Variants in ASTL observed in about 807,000 individuals in gnomAD.
ASTL encodes astacin-like metalloendopeptidase.
Under a neutral mutation model 36.7 loss-of-function variants are expected in ASTL, and 27 were observed. That is an observed-to-expected ratio of 0.73 (90% CI 0.54 to 1.01). The LOEUF (loss-of-function observed/expected upper bound fraction) is 1.01. ASTL is among the 50% of genes least tolerant of loss of function. ASTL has a pLI of 0.00. For synonymous variants in ASTL, 222 were observed against 228.1 expected, an observed-to-expected ratio of 0.97 and a Z score of 0.24; for missense variants, 524 against 572.8, an observed-to-expected ratio of 0.91 and a Z score of 0.87.
intron 4 of ASTL, 28 bp downstream of exon 4, chr2:96,133,937 A>C: frequency 8.1e-6 from 12 of 1,485,618 alleles, no homozygotes; most frequent in Non-Finnish European, 1.1e-5. Context: ...GGGCTGAGGC[A>C]GGGAGGGAGC....
chr2:96,126,227 C>A (rs893335320), intron 8 of ASTL, among the ~76,000 whole-genome samples: 7 of 151,788 alleles, frequency 4.6e-5, no homozygotes, highest in Non-Finnish European at 1.0e-4. Context: ...GTGGGAAAAA[C>A]AAAAAACATA....
chr2:96,129,186 C>T (rs948508819), intron 8 of ASTL, among the ~76,000 whole-genome samples: 36 of 152,086 alleles, frequency 2.4e-4, no homozygotes, highest in African/African-American at 7.2e-4. Flanking sequence ...TATTATTTAA[C>T]GATTTTAATA....
At chr2:96,131,750 AAC>A (rs927089374) in intron 6 of ASTL, among the ~76,000 whole-genome samples, 8 of 151,744 alleles carry the variant, frequency 5.3e-5, no homozygotes, top group African/African-American at 1.5e-4. Flanking sequence ...TCACCTGGCT[AAC>A]ATGACAGCCC....
rs757663123 is a variant in ASTL, at chr2:96,130,156, A to G, written c.638-11T>C. ...AGTTGATTTCAAAGCCTAAAAATAC[A>G]AAAACAATACAACTTACTGATATAT... On this transcript the variant is annotated splice_polypyrimidine_tract_variant and intron_variant, in intron 6 of 8. Transcript: ENST00000342380. 5 of 1,605,008 alleles carry G rather than the reference A, an allele frequency of 3.1e-6. No individual in the cohort carries two copies. In the South Asian group the frequency reaches 3.3e-5, roughly 11 times the overall value.
At chr2:96,135,796 C>A (rs578180360) in intron 2 of ASTL, among the ~76,000 whole-genome samples, 16 of 152,170 alleles carry the variant, frequency 1.1e-4, no homozygotes, top group Non-Finnish European at 1.9e-4. Context: ...TGCAAGGCTT[C>A]TCGGCTGGAC....
chr2:96,123,925 G>A lies in ASTL; in HGVS notation c.1221C>T (p.Val407=), dbSNP rs768277964. Residue 407 remains valine (V), a synonymous_variant, in exon 9 of 9, where the codon GTC becomes GTT. Coordinates refer to ENST00000342380, the MANE Select transcript of ASTL (RefSeq NM_001002036.4). ...GCAGAGCTGGGCTTCCCTGGACAGGGACTGGCTGGATTCCTGCTTCTGAAG... is the reference window on the plus strand; with the variant it reads ...GCAGAGCTGGGCTTCCCTGGACAGGAACTGGCTGGATTCCTGCTTCTGAAG... ...VPSSEAGIQP[V]PVQGSPALPG... 1.2e-6 allele frequency: 2 copies of A among 1,613,902 alleles called. No homozygotes were observed. Among genetic ancestry groups the A allele is most frequent in the African/African-American group, 2.7e-5 (2 of 74,936 alleles).
rs528554299 is a variant in ASTL, at chr2:96,132,121, G to T, written c.637+419C>A. Reference sequence around the variant, plus strand: ...CTTGGCTTGTGCAGCCTGCTACCTTGGGGTCCCACTTTGGCTCAGCTCCCC... The same window carrying T: ...CTTGGCTTGTGCAGCCTGCTACCTTTGGGTCCCACTTTGGCTCAGCTCCCC... On this transcript the variant is annotated intron_variant, in intron 6 of 8. Transcript: ENST00000342380. The surrounding 1 kb of genome is among the most constrained non-coding windows in gnomAD (Gnocchi z 5.4). 6.6e-6 allele frequency among the ~76,000 whole-genome samples: 1 copy of T among 152,324 alleles called. No individual in the cohort carries two copies. Among genetic ancestry groups the T allele is most frequent in the East Asian group, 1.9e-4 (1 of 5,184 alleles).
At chr2:96,129,747 C>G (rs542209291) in intron 8 of ASTL, 77 bp downstream of exon 8, 1 of 1,406,170 alleles carries the variant, frequency 7.1e-7, no homozygotes, top group South Asian at 1.5e-5. Context: ...CATCTCCCTC[C>G]TTGTCACCCT....
chr2:96,135,417 G>A lies in ASTL; in HGVS notation c.182-5C>T. ...GGGTTTCTTCCAGGATGAGCCCTGG[G>A]AAAGGAAGAAGGACGTGTTGGCCCA... is the stretch of plus-strand genomic sequence containing the variant. On this transcript the variant is annotated splice_region_variant and splice_polypyrimidine_tract_variant and intron_variant, in intron 2 of 8. Transcript: ENST00000342380. 1 of 1,613,992 alleles carries A rather than the reference G, an allele frequency of 6.2e-7. No individual in the cohort carries two copies. Among genetic ancestry groups the A allele is most frequent in the Non-Finnish European group, 8.5e-7 (1 of 1,179,934 alleles).
rs778347060 is a variant in ASTL at position 96,130,152 on chromosome 2, A to G, written c.638-7T>C. 2 of 1,608,844 alleles carry G rather than the reference A, an allele frequency of 1.2e-6. No individual in the cohort carries two copies. Among genetic ancestry groups the G allele is most frequent in the South Asian group, 2.2e-5 (2 of 90,960 alleles). ...ATGAAGTTGATTTCAAAGCCTAAAA[A>G]TACAAAAACAATACAACTTACTGAT... On this transcript the variant is annotated splice_region_variant and splice_polypyrimidine_tract_variant and intron_variant, in intron 6 of 8. Coordinates refer to ENST00000342380, the MANE Select transcript of ASTL (RefSeq NM_001002036.4).
rs1235301871 is a variant in ASTL at position 96,132,008 on chromosome 2, CCA to C, written c.637+530_637+531del. Reference sequence around the variant, plus strand: ...GCCTCCAGCCTCCACTCTCCCATGGCCACAGTCTGTGTTCCTTCTGCCTGCTC... The same window carrying C: ...GCCTCCAGCCTCCACTCTCCCATGGCCAGTCTGTGTTCCTTCTGCCTGCTC... On this transcript the variant is annotated intron_variant, in intron 6 of 8. Coordinates refer to ENST00000342380, the MANE Select transcript of ASTL (RefSeq NM_001002036.4). This position sits in a 1 kb window ranked among gnomAD's most constrained non-coding sequence, Gnocchi z 5.4. Among the ~76,000 whole-genome samples, 5 of 152,244 alleles carry C rather than the reference CCA, an allele frequency of 3.3e-5. No individual in the cohort carries two copies. The South Asian group carries it at 6.2e-4, about 19-fold the overall frequency.
chr2:96,125,202 C>G (rs766356878), intron 8 of ASTL, among the ~76,000 whole-genome samples: 15 of 152,226 alleles, frequency 9.9e-5, no homozygotes, highest in Non-Finnish European at 1.9e-4. Flanking sequence ...CCACCTTTCC[C>G]TGCTGTCACA....
chr2:96,133,284 C>T (rs1166716160), intron 5 of ASTL, 141 bp downstream of exon 5: 2 of 711,840 alleles, frequency 2.8e-6, no homozygotes, highest in African/African-American at 1.8e-5. Flanking sequence ...GTCCAGCTCA[C>T]ACTTGGCAGA....
chr2:96,132,607 G>C lies in ASTL; in HGVS notation c.570C>G (p.Phe190Leu). The C allele has an allele frequency of 6.2e-7, 1 of 1,613,220 alleles. No individual in the cohort carries two copies. Among genetic ancestry groups the C allele is most frequent in the Admixed American group, 1.7e-5 (1 of 60,000 alleles). ...GGTCGGCCCGCGTGTGCTCGTGCCA[G>C]AAGCCCAGCACATGCATGAGCTCAT... ...VLHELMHVLG[F>L]WHEHTRADRD... is the part of the protein sequence containing the mutation. Residue 190 changes from phenylalanine (F) to leucine (L), a missense_variant, in exon 6 of 9, where the codon TTC (phenylalanine) becomes TTG (leucine). Physicochemically the swap from Phe to Leu is conservative, Grantham distance 22 (BLOSUM62 0). Coordinates refer to ENST00000342380, the MANE Select transcript of ASTL (RefSeq NM_001002036.4). The surrounding 1 kb of genome is among the most constrained non-coding windows in gnomAD (Gnocchi z 5.4).
rs200898499 is a variant in ASTL at position 96,123,998 on chromosome 2, T to C, written c.1148A>G (p.Gln383Arg). ...RPGAGAPGVA[Q>R]EQSWLAGVST... ...CACTCCGGCCAGCCAGGACTGCTCC[T>C]GAGCAACACCGGGGGCACCTGCTCC... is the stretch of plus-strand genomic sequence containing the variant. The change falls in exon 9 of 9, where the codon CAG (glutamine) becomes CGG (arginine). Residue 383 changes from glutamine to arginine, a missense_variant. Physicochemically the swap from Gln to Arg is conservative, Grantham distance 43. Coordinates refer to ENST00000342380, the MANE Select transcript of ASTL (RefSeq NM_001002036.4). 1 of 1,614,026 alleles carries C rather than the reference T, an allele frequency of 6.2e-7. No individual in the cohort carries two copies. Among genetic ancestry groups the C allele is most frequent in the Non-Finnish European group, 8.5e-7 (1 of 1,179,978 alleles).
intron 7 of ASTL, 25 bp from the exon 8 acceptor site, chr2:96,130,003 A>C: frequency 6.2e-7 from 1 of 1,610,520 alleles, no homozygotes; most frequent in South Asian, 1.1e-5. Context: ...GAGACCCCTG[A>C]GTCCAGATCA....
In ASTL at chr2:96,130,129, G is replaced by A; in HGVS notation, c.654C>T (p.Phe218=). ...NEILPGFEIN[F]IKSQSSNMLT... The stretch of plus-strand genomic sequence containing the variant: ...GCATGTTGCTGCTCTGAGACTTGAT[G>A]AAGTTGATTTCAAAGCCTAAAAATA... The change falls in exon 7 of 9, where the codon TTC becomes TTT. Residue 218 remains phenylalanine (F), a synonymous_variant. Coordinates refer to ENST00000342380, the MANE Select transcript of ASTL (RefSeq NM_001002036.4). 6.2e-7 allele frequency: 1 copy of A among 1,613,616 alleles called. No individual in the cohort carries two copies. Among genetic ancestry groups the A allele is most frequent in the Non-Finnish European group, 8.5e-7 (1 of 1,179,468 alleles).
rs150180534 is a variant in ASTL at position 96,133,988 on chromosome 2, G to C, written c.314C>G (p.Pro105Arg). Residue 105 changes from proline to arginine, a missense_variant, in exon 4 of 9, where the codon CCC becomes CGC. Physicochemically the swap from Pro to Arg is moderately radical, Grantham distance 103. Transcript: ENST00000342380. ...ACCGTACTTGCTGGAGAGCAGGAAG[G>C]GGACCTCCACGACACCACTACCACC... ...PMGGSGVVEV[P>R]FLLSSKYDEP... is the part of the protein sequence containing the mutation. 11 of 1,613,542 alleles carry C rather than the reference G, an allele frequency of 6.8e-6. No individual in the cohort carries two copies. In the African/African-American group the frequency reaches 1.5e-4, roughly 22 times the overall value.
At chr2:96,134,447 G>T in intron 3 of ASTL, among the ~76,000 whole-genome samples, 1 of 152,258 alleles carries the variant, frequency 6.6e-6, no homozygotes, top group East Asian at 1.9e-4. Context: ...CCTGAACATG[G>T]GACGATCATG....
Sources: gnomAD v4.1 joint callset for allele counts (sites outside exome capture counted in the v4.1 genomes callset) on GRCh38, gnomAD v4.1.1 for gene constraint, Gnocchi (gnomAD v3.1) non-coding constraint, MANE v1.5 for transcripts, NCBI Gene and HGNC (gene_info 2026-07-23, HGNC 2026-07-21) for gene names.